The following DHX8 variants were observed in gnomAD, a reference collection of about 807,000 sequenced individuals.
DHX8 encodes ATP-dependent RNA helicase DHX8.
DHX8 carries 67 observed loss-of-function variants against 140.7 expected under a neutral mutation model. The observed-to-expected ratio is 0.48, with a 90% CI of 0.39 to 0.58. DHX8 has a LOEUF of 0.58. Among genes scored for constraint, DHX8 ranks in the 20% least tolerant of loss-of-function variants. The probability of loss-of-function intolerance (pLI) is 0.00; values close to 1 mark genes in which losing one functional copy is unlikely to be tolerated. For missense variants in DHX8, 887 were observed against 1,550.7 expected (o/e 0.57, Z 7.19); for synonymous variants, 533 against 553.2 (o/e 0.96, Z 0.51).
chr17:43,520,127 T>G lies in DHX8; in HGVS notation c.2800-3T>G. The G allele has an allele frequency of 4.3e-6, 7 of 1,614,200 alleles. No individual in the cohort carries two copies. The highest frequency in any genetic ancestry group is 5.9e-6 in the Non-Finnish European group (7 of 1,180,014). ...TCACATGCCTTCTTCCTTTCTGTTC[T>G]AGGCCATGGGTATCAATGATCTGCT... On this transcript the variant is annotated splice_polypyrimidine_tract_variant and splice_region_variant and intron_variant, in intron 18 of 22. Coordinates refer to ENST00000262415, the MANE Select transcript of DHX8 (RefSeq NM_004941.3).
intron 11 of DHX8, among the ~76,000 whole-genome samples, chr17:43,501,241 AGT>A (rs1246483216): frequency 6.6e-6 from 1 of 152,154 alleles, no homozygotes; most frequent in Non-Finnish European, 1.5e-5. Flanking sequence ...AATTGGACTC[AGT>A]CTGTCAAGTG....
In DHX8 at chr17:43,523,557, C is replaced by G. The variant is rs1042330438; in HGVS notation, c.3444-71C>G. On this transcript the variant is annotated intron_variant, in intron 22 of 22. Transcript: ENST00000262415. ...AAAATGTAAGCTCAGCTGAGGCCTA[C>G]TAGGGACCAGGTTGACTGTAGAGTG... 4.4e-6 allele frequency: 7 copies of G among 1,590,246 alleles called. No individual in the cohort carries two copies. In the Admixed American group the frequency reaches 5.2e-5, roughly 12 times the overall value.
chr17:43,522,133 A>G lies in DHX8; in HGVS notation c.3350A>G (p.Lys1117Arg). 1 of 1,614,164 alleles carries G rather than the reference A, an allele frequency of 6.2e-7. No individual in the cohort carries two copies. Among genetic ancestry groups the G allele is most frequent in the Non-Finnish European group, 8.5e-7 (1 of 1,180,022 alleles). The change falls in exon 22 of 23, where the codon AAG becomes AGG. Residue 1117 changes from lysine to arginine, a missense_variant. By Grantham distance (26) the Lys-to-Arg change is conservative (BLOSUM62 2). Around this residue, in one of 9 missense-constraint regions of DHX8, gnomAD observed 101 missense variants for 168.2 expected, o/e 0.60. Transcript: ENST00000262415. Reference protein sequence around the residue: ...ICSGFFRNAAKKDPQEGYRTL... With the variant: ...ICSGFFRNAARKDPQEGYRTL... ...AGTGGGTTCTTCCGTAATGCTGCCA[A>G]GAAAGACCCGCAGGAGGGTTACCGG... is the stretch of plus-strand genomic sequence containing the variant.
intron 9 of DHX8, among the ~76,000 whole-genome samples, chr17:43,497,676 G>C (rs1373948498): frequency 6.6e-6 from 1 of 152,032 alleles, no homozygotes; most frequent in Admixed American, 6.6e-5. Flanking sequence ...AATTGCTTGA[G>C]CCTGGGAGGT....
chr17:43,530,995 C>A (rs1354760162), downstream of DHX8, among the ~76,000 whole-genome samples: 1 of 152,166 alleles, frequency 6.6e-6, no homozygotes, highest in Non-Finnish European at 1.5e-5. Flanking sequence ...GTAACACAAT[C>A]CCCTCCGGTC....
intron 3 of DHX8, 133 bp downstream of exon 3, chr17:43,490,596 G>A: frequency 1.4e-6 from 1 of 724,278 alleles, no homozygotes; most frequent in Admixed American, 3.1e-5. Context: ...AAATGGGCTG[G>A]GCCTAGCGGC....
At position 43,533,342 on chromosome 17, in the gene DHX8, A is replaced by G. The variant is rs201440707; in HGVS notation, c.351-3070A>G. ...TGATGGCGATTTGTCTGGGGGGGTC[A>G]TAGGCACTGGAGTTGAGAAGGAGAC... On this transcript the variant is annotated intron_variant, in intron 2 of 3. Coordinates refer to the DHX8 transcript ENST00000589898. 1.9e-6 allele frequency: 3 copies of G among 1,613,188 alleles called. No homozygotes were observed. In the African/African-American group the frequency reaches 4.0e-5, roughly 22 times the overall value.
intron 6 of DHX8, 42 bp from the exon 7 acceptor site, chr17:43,493,403 A>T: frequency 1.3e-6 from 2 of 1,598,204 alleles, no homozygotes; most frequent in South Asian, 1.1e-5. Flanking sequence ...TGGGGGAAAA[A>T]TATTTTTTGG....
chr17:43,511,456 A>ATGTTTTTTTTTTTT (rs1969821567), intron 16 of DHX8, among the ~76,000 whole-genome samples: 2 of 56,790 alleles, frequency 3.5e-5, no homozygotes, highest in East Asian at 7.1e-4. Context: ...TGATCCCAGC[A>ATGTTTTTTTTTTTT]TTTTTTTTTT....
At chr17:43,543,055 G>A (rs1243365125) in intron 3 of DHX8, among the ~76,000 whole-genome samples, 1 of 152,012 alleles carries the variant, frequency 6.6e-6, no homozygotes, top group East Asian at 1.9e-4. Flanking sequence ...ATCTGTCTCC[G>A]CAGAGAAAGT....
In DHX8 at chr17:43,493,436, C is replaced by T; in HGVS notation, c.864-9C>T. 1 of 1,613,970 alleles carries T rather than the reference C, an allele frequency of 6.2e-7. No homozygotes were observed. The highest frequency in any genetic ancestry group is 8.5e-7 in the Non-Finnish European group (1 of 1,179,966). ...TGGCATGTTCCAGATGTGTCTGGCT[C>T]TCCCTCAGGAAGCGGTGGGAAGGCC... On this transcript the variant is annotated splice_polypyrimidine_tract_variant and intron_variant, in intron 6 of 22. Coordinates refer to ENST00000262415, the MANE Select transcript of DHX8 (RefSeq NM_004941.3).
rs756029951 is a variant in DHX8, at chr17:43,489,453, A to C, written c.153A>C (p.Glu51Asp). Residue 51 changes from glutamate to aspartate, a missense_variant, in exon 2 of 23, where the codon GAA becomes GAC. Physicochemically the swap from Glu to Asp is conservative, Grantham distance 45 (BLOSUM62 2). Coordinates refer to ENST00000262415, the MANE Select transcript of DHX8 (RefSeq NM_004941.3). Reference sequence around the variant, plus strand: ...AATTCTGTTTCTTATTTGCAGCTGAATTTGTGATCAGTCTTGCTGAGAAAA... The same window carrying C: ...AATTCTGTTTCTTATTTGCAGCTGACTTTGTGATCAGTCTTGCTGAGAAAA... ...HLGINDKDLAEFVISLAEKNT... is the reference protein window; with the variant it reads ...HLGINDKDLADFVISLAEKNT... 1 of 1,602,870 alleles carries C rather than the reference A, an allele frequency of 6.2e-7. No individual in the cohort carries two copies. Among genetic ancestry groups the C allele is most frequent in the Admixed American group, 1.7e-5 (1 of 58,256 alleles).
chr17:43,536,466 G>T (rs1019048632), exon 3 of DHX8: 1 of 1,614,214 alleles, frequency 6.2e-7, no homozygotes, highest in Non-Finnish European at 8.5e-7. Context: ...GCTCATCACT[G>T]TCTGGTACCT....
chr17:43,515,519 G>T (rs563322560), intron 17 of DHX8, among the ~76,000 whole-genome samples: 2 of 152,256 alleles, frequency 1.3e-5, no homozygotes, highest in African/African-American at 4.8e-5. Flanking sequence ...TGTACTTAAC[G>T]TCCTAGATAC....
intron 9 of DHX8, among the ~76,000 whole-genome samples, chr17:43,497,554 G>T (rs1329789756): frequency 6.6e-6 from 1 of 152,058 alleles, no homozygotes; most frequent in Admixed American, 6.6e-5. Flanking sequence ...CTAGGAGTTT[G>T]AGACCAGCCC....
downstream of DHX8, among the ~76,000 whole-genome samples, chr17:43,531,541 T>G (rs575638717): frequency 6.6e-6 from 1 of 152,250 alleles, no homozygotes; most frequent in South Asian, 2.1e-4. Context: ...CCGTCTCTAC[T>G]AAAAATACAA....
At chr17:43,513,709 CTTTTTTTT>C (rs34829204) in intron 17 of DHX8, among the ~76,000 whole-genome samples, 13 of 105,966 alleles carry the variant, frequency 1.2e-4, no homozygotes, top group Non-Finnish European at 2.0e-4. Context: ...AGTTTTTAAT[CTTTTTTTT>C]TTTTTTTTTT....
chr17:43,494,973 G>A (rs1006313868), intron 8 of DHX8, among the ~76,000 whole-genome samples: 1 of 141,366 alleles, frequency 7.1e-6, no homozygotes, highest in Non-Finnish European at 1.6e-5. Flanking sequence ...CACCACGCCC[G>A]GCTAATTTTT....
chr17:43,509,369 C>T (rs1235367971), intron 16 of DHX8, among the ~76,000 whole-genome samples: 1 of 152,094 alleles, frequency 6.6e-6, no homozygotes. Flanking sequence ...AAGTATATGA[C>T]TGTGTGTATG....
Sources: allele counts gnomAD v4.1 joint callset (sites outside exome capture counted in the v4.1 genomes callset), GRCh38; gene constraint gnomAD v4.1.1; regional missense constraint gnomAD v4.1.1; transcripts MANE v1.5; gene names NCBI Gene and HGNC (gene_info 2026-07-23, HGNC 2026-07-21).